Variants in LPP observed in about 807,000 individuals in gnomAD.
LPP encodes lipoma-preferred partner.
A neutral mutation model predicts 60.4 loss-of-function variants in LPP; 38 were observed. The ratio of observed to expected loss-of-function variants is 0.63; its 90% confidence interval spans 0.49 to 0.83. LPP has a LOEUF of 0.83. Ranked by LOEUF, LPP falls within the 40% of genes least tolerant of loss-of-function variation. The pLI, the probability that LPP is intolerant of heterozygous loss-of-function variation, is 0.00. For missense variants in LPP, 902 were observed against 783.6 expected (o/e 1.15, Z -1.80); for synonymous variants, 328 against 290.8 (o/e 1.13, Z -1.30).
At chr3:188,630,929 C>G (rs1168087848) in intron 7 of LPP, among the ~76,000 whole-genome samples, 1 of 152,062 alleles carries the variant, frequency 6.6e-6, no homozygotes, top group East Asian at 1.9e-4. Flanking sequence ...GAACGGAAAA[C>G]CAAATACCAC....
At chr3:188,420,658 A>T (rs564458784) in intron 4 of LPP, among the ~76,000 whole-genome samples, 2 of 152,282 alleles carry the variant, frequency 1.3e-5, no homozygotes, top group South Asian at 4.1e-4. Context: ...ACCCTCGAAG[A>T]GATTCTTAAC....
At chr3:188,531,427 G>T (rs1023972821) in intron 6 of LPP, among the ~76,000 whole-genome samples, 36 of 151,976 alleles carry the variant, frequency 2.4e-4, no homozygotes, top group African/African-American at 8.5e-4. Flanking sequence ...TTGTTTTGAT[G>T]AGGCAACTCT....
At chr3:188,332,341 C>T (rs532578818) in intron 2 of LPP, among the ~76,000 whole-genome samples, 7 of 152,216 alleles carry the variant, frequency 4.6e-5, no homozygotes, top group East Asian at 1.9e-4. Flanking sequence ...CTTAACTCCT[C>T]GCTAAATGCT....
At chr3:188,334,180 A>G (rs1578162370) in intron 2 of LPP, among the ~76,000 whole-genome samples, 1 of 152,148 alleles carries the variant, frequency 6.6e-6, no homozygotes, top group Non-Finnish European at 1.5e-5. Context: ...TATCCATGTT[A>G]CTGTGAATGA....
At chr3:188,763,539 A>C (rs1356528633) in intron 9 of LPP, among the ~76,000 whole-genome samples, 1 of 152,146 alleles carries the variant, frequency 6.6e-6, no homozygotes, top group African/African-American at 2.4e-5. Flanking sequence ...TTTGTGCTTA[A>C]GTAGTTATGA....
chr3:188,596,820 G>A (rs1411982936), intron 6 of LPP, among the ~76,000 whole-genome samples: 3 of 152,110 alleles, frequency 2.0e-5, no homozygotes, highest in Non-Finnish European at 4.4e-5. Context: ...ATATGTGAAC[G>A]AGGGTCTGTT....
At chr3:188,716,480 G>A (rs1714057419) in intron 8 of LPP, among the ~76,000 whole-genome samples, 1 of 152,242 alleles carries the variant, frequency 6.6e-6, no homozygotes, top group Non-Finnish European at 1.5e-5. Context: ...CAGTTGATAA[G>A]TGAGCTTGTC....
At chr3:188,544,649 G>C (rs1044048721) in intron 6 of LPP, among the ~76,000 whole-genome samples, 1 of 118,902 alleles carries the variant, frequency 8.4e-6, no homozygotes, top group African/African-American at 3.3e-5. Flanking sequence ...CTTTTACACT[G>C]TTGGTGGGAC....
intron 7 of LPP, among the ~76,000 whole-genome samples, chr3:188,705,913 G>C (rs924521471): frequency 6.6e-6 from 1 of 152,034 alleles, no homozygotes. Flanking sequence ...CACTGTGCCC[G>C]ACCTGTGCTT....
At chr3:188,835,228 G>A (rs562948172) in intron 9 of LPP, among the ~76,000 whole-genome samples, 2 of 151,662 alleles carry the variant, frequency 1.3e-5, no homozygotes, top group South Asian at 4.2e-4. Flanking sequence ...GAGGCCGAGG[G>A]GGGCAGATCA....
intron 3 of LPP, among the ~76,000 whole-genome samples, chr3:188,344,263 C>G (rs1578215765): frequency 6.6e-6 from 1 of 152,132 alleles, no homozygotes; most frequent in East Asian, 1.9e-4. Flanking sequence ...TTGGTGGAAA[C>G]AGTCCTAGTC....
intron 3 of LPP, among the ~76,000 whole-genome samples, chr3:188,397,648 C>T (rs1300540355): frequency 2.6e-5 from 4 of 151,806 alleles, no homozygotes; most frequent in African/African-American, 9.7e-5. Flanking sequence ...GAGTTTCACC[C>T]TGTCTCCCAG....
At chr3:188,283,721 T>C (rs1444458360) in intron 2 of LPP, among the ~76,000 whole-genome samples, 1 of 152,138 alleles carries the variant, frequency 6.6e-6, no homozygotes, top group Non-Finnish European at 1.5e-5. Flanking sequence ...GCCTTAGTTT[T>C]CAGATCTATA....
intron 9 of LPP, among the ~76,000 whole-genome samples, chr3:188,823,289 A>T (rs926334767): frequency 1.3e-5 from 2 of 152,208 alleles, no homozygotes; most frequent in Non-Finnish European, 2.9e-5. Flanking sequence ...TCCTAATGCC[A>T]TCTAAGCTTG....
intron 1 of LPP, among the ~76,000 whole-genome samples, chr3:188,206,436 C>T (rs929515511): frequency 1.4e-4 from 21 of 152,164 alleles, no homozygotes; most frequent in African/African-American, 5.1e-4. Context: ...ATTGTGTTAC[C>T]TTCCTGGTCC....
chr3:188,824,650 T>C (rs1754898476), intron 9 of LPP, among the ~76,000 whole-genome samples: 1 of 152,142 alleles, frequency 6.6e-6, no homozygotes, highest in Non-Finnish European at 1.5e-5. Context: ...TGCAAAATTG[T>C]GAACCTGGGA....
chr3:188,594,735 A>G (rs1839645054), intron 6 of LPP, among the ~76,000 whole-genome samples: 1 of 152,212 alleles, frequency 6.6e-6, no homozygotes, highest in African/African-American at 2.4e-5. Flanking sequence ...ATATTTGGAG[A>G]TATGATTATT....
intron 9 of LPP, among the ~76,000 whole-genome samples, chr3:188,783,567 G>T (rs199695353): frequency 6.7e-6 from 1 of 149,542 alleles, no homozygotes; most frequent in South Asian, 2.2e-4. Context: ...GGTGGAGGGG[G>T]AGAGGAGGGA....
chr3:188,194,570 C>T (rs1387172142), intron 1 of LPP, among the ~76,000 whole-genome samples: 1 of 152,094 alleles, frequency 6.6e-6, no homozygotes, highest in Non-Finnish European at 1.5e-5. Context: ...GTTTCTTTTT[C>T]CTAGGAAAAT....
Sources: gnomAD v4.1 joint callset for allele counts (sites outside exome capture counted in the v4.1 genomes callset) on GRCh38, gnomAD v4.1.1 for gene constraint, MANE v1.5 for transcripts, NCBI Gene and HGNC (gene_info 2026-07-23, HGNC 2026-07-21) for gene names.